Variants in ARB2A observed in about 807,000 individuals in gnomAD.
ARB2A encodes the protein cotranscriptional regulator ARB2A.
At chr5:93,763,962 A>C in the ARB2A span, among the ~76,000 whole-genome samples, 4 of 152,282 alleles carry the variant, frequency 2.6e-5, no homozygotes, top group East Asian at 7.7e-4. Flanking sequence ...GGTACATAAC[A>C]AAATGAAGGC....
chr5:93,774,524 A>T, the ARB2A span, among the ~76,000 whole-genome samples: 5 of 152,346 alleles, frequency 3.3e-5, no homozygotes, highest in African/African-American at 1.2e-4. Context: ...TTAAGGTTGA[A>T]CAAGGTCATG....
chr5:93,802,158 T>C, the ARB2A span, among the ~76,000 whole-genome samples: 1 of 152,118 alleles, frequency 6.6e-6, no homozygotes, highest in Non-Finnish European at 1.5e-5. Context: ...TAAGTCAAGA[T>C]ATATTTTCTC....
chr5:94,109,745 C>T, the ARB2A span, among the ~76,000 whole-genome samples: 3 of 151,972 alleles, frequency 2.0e-5, no homozygotes, highest in African/African-American at 7.3e-5. Context: ...TCCATACTTG[C>T]GGAGCTCACT....
At chr5:93,990,561 C>T in the ARB2A span, among the ~76,000 whole-genome samples, 1 of 145,984 alleles carries the variant, frequency 6.9e-6, no homozygotes, top group Non-Finnish European at 1.5e-5. Flanking sequence ...ACAACCACTG[C>T]CATTGAAGGA....
the ARB2A span, among the ~76,000 whole-genome samples, chr5:93,946,848 ACTT>A: frequency 6.6e-6 from 1 of 152,150 alleles, no homozygotes; most frequent in East Asian, 1.9e-4. Flanking sequence ...GATATGCCAC[ACTT>A]CTTCAACAAC....
At chr5:93,713,596 T>C in the ARB2A span, among the ~76,000 whole-genome samples, 6 of 152,240 alleles carry the variant, frequency 3.9e-5, no homozygotes, top group Admixed American at 2.6e-4. Context: ...CCCTTGTACA[T>C]TGTTGGTGGG....
chr5:93,631,404 A>AG, the ARB2A span, among the ~76,000 whole-genome samples: 6 of 152,204 alleles, frequency 3.9e-5, no homozygotes. Context: ...TGTTGCCACA[A>AG]GGTCTTGCCT....
chr5:94,033,676 C>T, the ARB2A span, among the ~76,000 whole-genome samples: 3 of 152,134 alleles, frequency 2.0e-5, no homozygotes, highest in South Asian at 2.1e-4. Flanking sequence ...CTGCCCATCT[C>T]GGCCTCCCAC....
the ARB2A span, among the ~76,000 whole-genome samples, chr5:93,941,485 T>C: frequency 6.6e-6 from 1 of 152,190 alleles, no homozygotes; most frequent in Non-Finnish European, 1.5e-5. Flanking sequence ...CTTCTATGCA[T>C]TTAAACTCAT....
the ARB2A span, chr5:93,865,763 T>G: frequency 3.0e-6 from 3 of 985,302 alleles, no homozygotes; most frequent in Admixed American, 6.1e-5. Flanking sequence ...GGAACAAAAC[T>G]GACTATAATG....
the ARB2A span, among the ~76,000 whole-genome samples, chr5:93,984,255 G>A: frequency 6.6e-6 from 1 of 152,028 alleles, no homozygotes; most frequent in Non-Finnish European, 1.5e-5. Flanking sequence ...ATATATATAA[G>A]TGTGAAAATA....
chr5:93,862,764 G>C, the ARB2A span: 10 of 152,114 alleles, frequency 6.6e-5, no homozygotes, highest in African/African-American at 1.7e-4. Context: ...GAACTTTCTA[G>C]ATGATGTTTA....
chr5:94,082,185 T>C, the ARB2A span, among the ~76,000 whole-genome samples: 12 of 152,166 alleles, frequency 7.9e-5, no homozygotes, highest in Non-Finnish European at 1.5e-4. Context: ...CCTTGCCCAT[T>C]AGTATCCCTC....
chr5:93,793,178 A>T, the ARB2A span, among the ~76,000 whole-genome samples: 370 of 150,206 alleles, frequency 2.5e-3, 1 homozygote, highest in African/African-American at 8.6e-3. Flanking sequence ...GCTCAAGTGA[A>T]CCTCTCGCCT....
chr5:93,620,398 C>T, the ARB2A span: 1 of 151,292 alleles, frequency 6.6e-6, no homozygotes, highest in South Asian at 2.1e-4. Flanking sequence ...ATTTGCATTC[C>T]CCAAACTACA....
chr5:94,001,285 A>G, the ARB2A span, among the ~76,000 whole-genome samples: 41 of 152,154 alleles, frequency 2.7e-4, no homozygotes, highest in East Asian at 7.5e-3. Flanking sequence ...TGAACATGGT[A>G]TATCTATTTA....
At chr5:94,012,829 C>T in the ARB2A span, among the ~76,000 whole-genome samples, 69 of 152,272 alleles carry the variant, frequency 4.5e-4, no homozygotes, top group African/African-American at 1.6e-3. Flanking sequence ...TTGCAAATCT[C>T]CTCACAAGGA....
At chr5:93,828,859 C>A in the ARB2A span, among the ~76,000 whole-genome samples, 134 of 152,252 alleles carry the variant, frequency 8.8e-4, 2 homozygotes, top group Non-Finnish European at 9.1e-4. Context: ...TCACTGCAAC[C>A]TCTGCTTCCC....
chr5:93,839,983 G>C, the ARB2A span, among the ~76,000 whole-genome samples: 1 of 152,008 alleles, frequency 6.6e-6, no homozygotes, highest in South Asian at 2.1e-4. Flanking sequence ...ACAATTCATT[G>C]ATCATTTGTA....
Sources: gnomAD v4.1 joint callset for allele counts (sites outside exome capture counted in the v4.1 genomes callset) on GRCh38, gnomAD v4.1.1 for gene constraint, MANE v1.5 for transcripts, NCBI Gene and HGNC (gene_info 2026-07-23, HGNC 2026-07-21) for gene names.